Variants in SPIRE1 observed in about 807,000 individuals in gnomAD.
SPIRE1 encodes the protein spire type actin nucleation factor 1, also known as protein spire homolog 1.
In SPIRE1, 40 loss-of-function variants were observed where a neutral mutation model predicts 94.1. The ratio of observed to expected loss-of-function variants is 0.43; its 90% CI spans 0.33 to 0.55. The LOEUF is 0.55. SPIRE1 is among the 20% of genes least tolerant of loss of function. The pLI is 0.06. For missense variants in SPIRE1, 838 were observed against 975.2 expected, an observed-to-expected ratio of 0.86 and a Z score of 1.87; for synonymous variants, 376 against 371.7, an observed-to-expected ratio of 1.01 and a Z score of -0.13.
chr18:12,565,443 C>T (rs2035793451), intron 2 of SPIRE1, among the ~76,000 whole-genome samples: 1 of 152,106 alleles, frequency 6.6e-6, no homozygotes, highest in African/African-American at 2.4e-5. Context: ...GGTGCAATCA[C>T]AGCTCACTGC....
chr18:12,529,382 A>G (rs1209820021), intron 4 of SPIRE1, among the ~76,000 whole-genome samples: 30 of 151,470 alleles, frequency 2.0e-4, no homozygotes, highest in African/African-American at 6.6e-4. Flanking sequence ...AAAAAAAAAA[A>G]GGGCAGTATG....
chr18:12,573,050 A>G (rs1169431921), intron 2 of SPIRE1, among the ~76,000 whole-genome samples: 1 of 152,248 alleles, frequency 6.6e-6, no homozygotes, highest in African/African-American at 2.4e-5. Flanking sequence ...AGAGAATAAA[A>G]TGATCAAGCC....
chr18:12,493,076 TCTG>T lies in SPIRE1; in HGVS notation c.1182_1184del (p.Ser394del), dbSNP rs764420073. ...TACAGGAAGCAGTGGACTCACCTAA[TCTG>T]CTACGTCTAATCTCCTCTGGTGATA... On this transcript the variant is annotated inframe_deletion, in exon 8 of 17. Coordinates refer to ENST00000409402, the MANE Select transcript of SPIRE1 (RefSeq NM_001128626.2). The T allele has an allele frequency of 1.2e-6, 2 of 1,610,418 alleles. No homozygotes were observed. Among genetic ancestry groups the T allele is most frequent in the Non-Finnish European group, 1.7e-6 (2 of 1,179,194 alleles).
At chr18:12,572,559 T>C (rs2035983597) in intron 2 of SPIRE1, among the ~76,000 whole-genome samples, 1 of 152,224 alleles carries the variant, frequency 6.6e-6, no homozygotes, top group South Asian at 2.1e-4. Flanking sequence ...CAGTGAGCCA[T>C]GTTGGCACCA....
chr18:12,537,158 CA>C (rs972658216), intron 3 of SPIRE1, among the ~76,000 whole-genome samples: 4 of 152,166 alleles, frequency 2.6e-5, no homozygotes, highest in African/African-American at 9.7e-5. Context: ...TATCCAGAAG[CA>C]TTAAAAGCAG....
At chr18:12,529,762 A>T (rs1230838289) in intron 4 of SPIRE1, among the ~76,000 whole-genome samples, 1 of 152,132 alleles carries the variant, frequency 6.6e-6, no homozygotes, top group African/African-American at 2.4e-5. Flanking sequence ...GGAAGAGAAA[A>T]TTTTCATCAC....
chr18:12,574,132 G>A (rs1282297780), intron 2 of SPIRE1, among the ~76,000 whole-genome samples: 1 of 152,156 alleles, frequency 6.6e-6, no homozygotes, highest in Non-Finnish European at 1.5e-5. Context: ...CTGCATTAAT[G>A]CAAGATACTA....
intron 4 of SPIRE1, among the ~76,000 whole-genome samples, chr18:12,527,257 TA>T (rs1003173228): frequency 6.6e-6 from 1 of 152,222 alleles, no homozygotes; most frequent in Non-Finnish European, 1.5e-5. Flanking sequence ...TGTACAAAGT[TA>T]AAAATTAGGT....
chr18:12,657,138 G>A (rs2038563684), intron 1 of SPIRE1, among the ~76,000 whole-genome samples: 3 of 152,182 alleles, frequency 2.0e-5, no homozygotes, highest in South Asian at 2.1e-4. Context: ...CCGTGAACCC[G>A]GCCGTGTGTC....
In SPIRE1 at chr18:12,496,015, C is replaced by T. The variant is rs2083110812; in HGVS notation, c.1059+1G>A. 6.2e-7 allele frequency: 1 copy of T among 1,601,114 alleles called. No individual in the cohort carries two copies. Among genetic ancestry groups the T allele is most frequent in the Non-Finnish European group, 8.6e-7 (1 of 1,168,242 alleles). On this transcript the variant is annotated splice_donor_variant, in intron 7 of 16. Transcript: ENST00000409402. LOFTEE classifies it high-confidence loss of function. The stretch of plus-strand genomic sequence containing the variant: ...CTAGAGAACTATGTCGAATTACATA[C>T]TGGATTTAAAGGAGGTCTGGATCTG...
At chr18:12,538,233 A>G (rs1464042080) in intron 3 of SPIRE1, among the ~76,000 whole-genome samples, 1 of 152,196 alleles carries the variant, frequency 6.6e-6, no homozygotes, top group Non-Finnish European at 1.5e-5. Flanking sequence ...AAGTACTTAA[A>G]GCATAGAGCA....
chr18:12,474,499 T>C (rs1297579370), intron 10 of SPIRE1, among the ~76,000 whole-genome samples: 1 of 152,196 alleles, frequency 6.6e-6, no homozygotes, highest in Non-Finnish European at 1.5e-5. Flanking sequence ...TGTGTAAGTC[T>C]GGTGTCAAGA....
Position 12,463,396 on chromosome 18 carries a change from G to A in SPIRE1, c.1593C>T (p.Asn531=), listed in dbSNP as rs779597266. The A allele has an allele frequency of 1.3e-5, 21 of 1,613,852 alleles. No individual in the cohort carries two copies. Among genetic ancestry groups the A allele is most frequent in the Admixed American group, 5.0e-5 (3 of 60,006 alleles). Residue 531 remains asparagine (N), a synonymous_variant, in exon 12 of 17, where the codon AAC becomes AAT. Transcript: ENST00000409402. ...TGGAAGGCGGCAGGAACTGCCTCAC[G>A]TTAGTAGGCGTTTCCTTTTCAATGG... ...RHSIEKETPT[N]VRQFLPPSRQ...
At chr18:12,466,905 G>C (rs945756593) in intron 10 of SPIRE1, among the ~76,000 whole-genome samples, 3 of 152,108 alleles carry the variant, frequency 2.0e-5, no homozygotes, top group African/African-American at 7.2e-5. Context: ...GAAATCATTA[G>C]TTTCAAGTAA....
chr18:12,461,538 CAT>C (rs1175867990), intron 12 of SPIRE1, among the ~76,000 whole-genome samples: 2 of 149,100 alleles, frequency 1.3e-5, no homozygotes, highest in Non-Finnish European at 3.0e-5. Flanking sequence ...TATGTACGTA[CAT>C]ATGTATATAC....
intron 1 of SPIRE1, chr18:12,656,446 AAAAAAT>A (rs2038540503): frequency 6.6e-6 from 1 of 152,428 alleles, no homozygotes; most frequent in African/African-American, 2.4e-5. Context: ...ACCTGACACT[AAAAAAT>A]AAAAGATAAA....
Position 12,496,046 on chromosome 18 carries a change from G to A in SPIRE1, c.1029C>T (p.Asp343=), listed in dbSNP as rs994866899. 1.9e-6 allele frequency: 3 copies of A among 1,613,454 alleles called. No homozygotes were observed. The highest frequency in any genetic ancestry group is 1.3e-5 in the African/African-American group (1 of 74,904). The change falls in exon 7 of 17, where the codon GAC becomes GAT. Residue 343 remains aspartate, a synonymous_variant. Transcript: ENST00000409402. ...LKKSAHEIIL[D]FIRSRPPLNP... is the part of the protein sequence containing the mutation. The stretch of plus-strand genomic sequence containing the variant: ...TTAAAGGAGGTCTGGATCTGATGAA[G>A]TCGAGGATGATTTCATGAGCACTCT...
rs555228447 is a variant in SPIRE1 at position 12,510,547 on chromosome 18, C to CT, written c.807+1906dup. Among the ~76,000 whole-genome samples the CT allele has an allele frequency of 4.0e-3, 581 of 143,902 alleles. 3 individuals carry two copies. The highest frequency in any genetic ancestry group is 0.016 in the South Asian group (74 of 4,500). 94.4% of individuals were successfully genotyped at this position (143,902 alleles called of 152,430 possible). A position where few individuals can be genotyped will look rare whatever the true frequency, so the allele number is the denominator to read the frequency against. ...CCAATACCTGGACTTCAACAATCTT[C>CT]TTTTTTTTTTTTTGAGACAGAGTCT... On this transcript the variant is annotated intron_variant, in intron 5 of 16. Transcript: ENST00000409402.
intron 3 of SPIRE1, 72 bp downstream of exon 3, chr18:12,546,602 A>AG: frequency 1.2e-5 from 14 of 1,152,116 alleles, no homozygotes; most frequent in African/African-American, 1.5e-5. Flanking sequence ...CCATCTCTCC[A>AG]GGGGGGGAAA....
Sources: allele counts gnomAD v4.1 joint callset (sites outside exome capture counted in the v4.1 genomes callset), GRCh38; gene constraint gnomAD v4.1.1; transcripts MANE v1.5; gene names NCBI Gene and HGNC (gene_info 2026-07-23, HGNC 2026-07-21).